PBX1: variants seen among roughly 807,000 people sequenced by gnomAD.
The protein encoded by PBX1 is PBX homeobox 1.
Under a neutral mutation model 53.4 loss-of-function variants are expected in PBX1, and 6 were observed. The observed-to-expected ratio is 0.11, with a 90% CI of 0.06 to 0.22. The LOEUF is 0.22. Among genes scored for constraint, PBX1 ranks in the 10% least tolerant of loss-of-function variants. The pLI is 1.00. For synonymous variants in PBX1, 204 were observed against 212.3 expected, an observed-to-expected ratio of 0.96 and a Z score of 0.34; for missense variants, 251 against 551.4, an observed-to-expected ratio of 0.46 and a Z score of 5.46.
intron 2 of PBX1, among the ~76,000 whole-genome samples, chr1:164,627,085 A>G (rs1394716657): frequency 1.3e-5 from 2 of 152,170 alleles, no homozygotes; most frequent in Non-Finnish European, 2.9e-5. Flanking sequence ...TTAATTGGGC[A>G]TCTTAAATCT....
intron 2 of PBX1, chr1:164,684,645 A>T (rs1012601168): frequency 6.6e-6 from 1 of 152,198 alleles, no homozygotes; most frequent in African/African-American, 2.4e-5. Context: ...TGAAGAAGTT[A>T]CTTCCTGAGG....
intron 2 of PBX1, among the ~76,000 whole-genome samples, chr1:164,879,407 A>T (rs746295153): frequency 6.6e-6 from 1 of 152,188 alleles, no homozygotes; most frequent in African/African-American, 2.4e-5. Context: ...CATGAAGGGA[A>T]GGTTGGGGTT....
intron 2 of PBX1, among the ~76,000 whole-genome samples, chr1:164,635,599 G>A (rs965820478): frequency 1.3e-5 from 2 of 152,130 alleles, no homozygotes; most frequent in Admixed American, 6.5e-5. Context: ...CGCTCGTCTC[G>A]CCACGCTTTT....
chr1:164,859,818 G>A (rs532175772), intron 2 of PBX1, among the ~76,000 whole-genome samples: 1 of 152,280 alleles, frequency 6.6e-6, no homozygotes, highest in East Asian at 1.9e-4. Context: ...TATGATGCAA[G>A]ATTAAACAAA....
At chr1:164,672,581 A>AT (rs1256765888) in intron 2 of PBX1, among the ~76,000 whole-genome samples, 2 of 152,004 alleles carry the variant, frequency 1.3e-5, no homozygotes, top group Middle Eastern at 3.2e-3. Flanking sequence ...TTTCCATAAG[A>AT]TTTTTTCCCC....
At chr1:164,610,776 C>A (rs1656867802) in intron 2 of PBX1, among the ~76,000 whole-genome samples, 1 of 152,200 alleles carries the variant, frequency 6.6e-6, no homozygotes, top group Non-Finnish European at 1.5e-5. Context: ...AGTATCTACG[C>A]ACATTCTGCC....
At chr1:164,776,848 TG>T (rs1204423714) in intron 2 of PBX1, among the ~76,000 whole-genome samples, 3 of 151,820 alleles carry the variant, frequency 2.0e-5, no homozygotes, top group Non-Finnish European at 4.4e-5. Context: ...TATGTATGGC[TG>T]GGCTAAAATT....
intron 2 of PBX1, among the ~76,000 whole-genome samples, chr1:164,744,507 A>T (rs1014434980): frequency 6.6e-6 from 1 of 152,188 alleles, no homozygotes; most frequent in Non-Finnish European, 1.5e-5. Flanking sequence ...GTGCAATTCA[A>T]ATTCAAATGC....
chr1:164,787,591 A>G (rs1041164595), intron 2 of PBX1: 3 of 152,182 alleles, frequency 2.0e-5, no homozygotes, highest in Admixed American at 6.5e-5. Context: ...GATGATCTTG[A>G]CTATGCCTTT....
intron 2 of PBX1, among the ~76,000 whole-genome samples, chr1:164,712,525 G>A (rs890865508): frequency 2.6e-5 from 4 of 152,182 alleles, no homozygotes; most frequent in Non-Finnish European, 4.4e-5. Flanking sequence ...CTCTGGCCCT[G>A]GCTTTATTTT....
At chr1:164,630,838 T>G (rs1324668934) in intron 2 of PBX1, 2 of 152,192 alleles carry the variant, frequency 1.3e-5, no homozygotes, top group Admixed American at 6.5e-5. Flanking sequence ...ATCATTCCCT[T>G]CACAGTTCAT....
At chr1:164,820,209 C>T (rs200432500) in intron 7 of PBX1, 25 bp downstream of exon 7, 42 of 1,247,324 alleles carry the variant, frequency 3.4e-5, no homozygotes, top group Non-Finnish European at 4.7e-5. Context: ...AATATGTCAC[C>T]AGGTGAATGC....
chr1:164,807,461 C>A, intron 4 of PBX1, 81 bp from the exon 5 acceptor site: 1 of 1,513,252 alleles, frequency 6.6e-7, no homozygotes, highest in East Asian at 2.3e-5. Flanking sequence ...TTGTCTTCTC[C>A]CAGAAGTAGA....
chr1:164,831,621 C>T (rs998618588), intron 8 of PBX1: 1 of 152,090 alleles, frequency 6.6e-6, no homozygotes, highest in African/African-American at 2.4e-5. Flanking sequence ...GATCTCCTGA[C>T]CTCGTGATTC....
intron 2 of PBX1, among the ~76,000 whole-genome samples, chr1:164,612,808 A>G (rs1770559): frequency 0.98 from 148,934 of 152,186 alleles, 72,962 homozygotes; most frequent in Middle Eastern, 1. Flanking sequence ...ATGAGATGTG[A>G]TAAAGCATCC....
At chr1:164,732,450 A>G (rs536555503) in intron 2 of PBX1, among the ~76,000 whole-genome samples, 10 of 152,172 alleles carry the variant, frequency 6.6e-5, no homozygotes, top group African/African-American at 2.2e-4. Context: ...CTTGAAATCA[A>G]TCTCCTTCTA....
At chr1:164,768,589 C>T (rs147635105) in intron 2 of PBX1, among the ~76,000 whole-genome samples, 64 of 152,272 alleles carry the variant, frequency 4.2e-4, no homozygotes, top group African/African-American at 1.4e-3. Context: ...CAGTGGTTCC[C>T]GATAGAATGG....
At chr1:164,838,443 A>G (rs554614544) in intron 8 of PBX1, among the ~76,000 whole-genome samples, 5 of 152,298 alleles carry the variant, frequency 3.3e-5, no homozygotes, top group Non-Finnish European at 5.9e-5. Context: ...TTCTGAGGCC[A>G]GTCTTGTGAT....
At chr1:164,632,214 C>T (rs1658455457) in intron 2 of PBX1, among the ~76,000 whole-genome samples, 1 of 152,176 alleles carries the variant, frequency 6.6e-6, no homozygotes, top group African/African-American at 2.4e-5. Flanking sequence ...GCAGCCTAGG[C>T]ATTAATAGCC....
Sources: gnomAD v4.1 joint callset for allele counts (sites outside exome capture counted in the v4.1 genomes callset) on GRCh38, gnomAD v4.1.1 for gene constraint, MANE v1.5 for transcripts, NCBI Gene and HGNC (gene_info 2026-07-23, HGNC 2026-07-21) for gene names.